The following GRM1 variants were observed in gnomAD, a reference collection of about 807,000 sequenced individuals.
GRM1 encodes the protein metabotropic glutamate receptor 1.
GRM1 carries 33 observed loss-of-function variants against 90.9 expected under a neutral mutation model. That is an observed-to-expected ratio of 0.36 (90% CI 0.28 to 0.49). The LOEUF (loss-of-function observed/expected upper bound fraction) is 0.49, where lower values mean the gene tolerates loss of function less well. Among genes scored for constraint, GRM1 ranks in the 20% least tolerant of loss-of-function variants. GRM1 has a pLI of 0.99. For missense variants in GRM1, 1,190 were observed against 1,534.3 expected (o/e 0.78, Z 3.75); for synonymous variants, 700 against 613.2 (o/e 1.14, Z -2.09).
At chr6:146,352,126 G>C in intron 3 of GRM1, 124 bp from the exon 4 acceptor site, 1 of 915,152 alleles carries the variant, frequency 1.1e-6, no homozygotes. Flanking sequence ...GGTGGGCGTG[G>C]CTTCTGCCAG....
At chr6:146,145,411 G>A (rs1450346291) in intron 1 of GRM1, among the ~76,000 whole-genome samples, 6 of 152,164 alleles carry the variant, frequency 3.9e-5, no homozygotes, top group Non-Finnish European at 7.3e-5. Flanking sequence ...GACAGGCCCA[G>A]GACTATCTCT....
chr6:146,273,492 C>G (rs145219511), intron 2 of GRM1, among the ~76,000 whole-genome samples: 47 of 152,282 alleles, frequency 3.1e-4, no homozygotes, highest in African/African-American at 1.1e-3. Flanking sequence ...ATGCTACTCC[C>G]TAGGTGTCCT....
chr6:146,381,338 G>A (rs1776309949), intron 5 of GRM1, among the ~76,000 whole-genome samples: 1 of 152,194 alleles, frequency 6.6e-6, no homozygotes, highest in South Asian at 2.1e-4. Context: ...GATAGGGCTG[G>A]TTTAAATGCT....
At chr6:146,328,310 A>G (rs376402423) in intron 3 of GRM1, among the ~76,000 whole-genome samples, 9 of 152,274 alleles carry the variant, frequency 5.9e-5, no homozygotes, top group African/African-American at 1.7e-4. Context: ...ACACACATAT[A>G]CACACTGACA....
intron 2 of GRM1, among the ~76,000 whole-genome samples, chr6:146,297,505 A>G (rs1783219977): frequency 6.6e-6 from 1 of 152,166 alleles, no homozygotes; most frequent in Admixed American, 6.5e-5. Flanking sequence ...TTTTAATGCA[A>G]AACGTCAGGG....
At chr6:146,301,553 A>G (rs1783381172) in intron 2 of GRM1, among the ~76,000 whole-genome samples, 2 of 152,240 alleles carry the variant, frequency 1.3e-5, no homozygotes, top group African/African-American at 4.8e-5. Flanking sequence ...ACTGTAAACA[A>G]AACAAATTTC....
At chr6:146,403,865 A>G (rs60528750) in intron 7 of GRM1, among the ~76,000 whole-genome samples, 1,605 of 152,192 alleles carry the variant, frequency 0.011, 36 homozygotes, top group African/African-American at 0.037. Flanking sequence ...TATAGGGTAC[A>G]CTGTAATATT....
intron 1 of GRM1, among the ~76,000 whole-genome samples, chr6:146,110,065 C>T (rs1775496934): frequency 6.6e-6 from 1 of 152,140 alleles, no homozygotes. Context: ...AGACTTTGGA[C>T]TGTGGATTTC....
intron 1 of GRM1, among the ~76,000 whole-genome samples, chr6:146,083,915 G>T (rs1258983330): frequency 6.6e-6 from 1 of 152,166 alleles, no homozygotes; most frequent in Non-Finnish European, 1.5e-5. Context: ...TTCAGAACTT[G>T]TTATTGGTCT....
chr6:146,316,420 T>C (rs1278703091), intron 3 of GRM1, among the ~76,000 whole-genome samples: 1 of 152,214 alleles, frequency 6.6e-6, no homozygotes, highest in African/African-American at 2.4e-5. Flanking sequence ...ATGAATTTAT[T>C]CACAAGTTCA....
intron 7 of GRM1, among the ~76,000 whole-genome samples, chr6:146,403,744 A>G (rs1216197660): frequency 1.3e-5 from 2 of 152,114 alleles, no homozygotes; most frequent in East Asian, 1.9e-4. Context: ...TCATGGCCAA[A>G]TGGAAGTGGC....
intron 1 of GRM1, among the ~76,000 whole-genome samples, chr6:146,071,249 C>T (rs576545381): frequency 2.0e-5 from 3 of 152,152 alleles, no homozygotes; most frequent in Non-Finnish European, 4.4e-5. Context: ...AGGCAGCTTC[C>T]GTCTAGTTCT....
intron 1 of GRM1, among the ~76,000 whole-genome samples, chr6:146,042,097 G>A (rs766286117): frequency 1.3e-5 from 2 of 151,984 alleles, no homozygotes; most frequent in African/African-American, 4.8e-5. Context: ...CCATTTTTGA[G>A]TGCAGGGCCC....
At chr6:146,404,883 G>A (rs953956986) in intron 7 of GRM1, among the ~76,000 whole-genome samples, 2 of 152,166 alleles carry the variant, frequency 1.3e-5, no homozygotes, top group African/African-American at 4.8e-5. Context: ...TTAATAGAGT[G>A]CCACAGTAAT....
intron 1 of GRM1, among the ~76,000 whole-genome samples, chr6:146,043,796 T>TATATATATATATATATATATATATATAG (rs1554260527): frequency 2.7e-4 from 37 of 137,936 alleles, no homozygotes; most frequent in African/African-American, 8.3e-4. Flanking sequence ...TATATATATA[T>TATATATATATATATATATATATATATAG]ATATATATAT....
intron 2 of GRM1, among the ~76,000 whole-genome samples, chr6:146,174,166 ATTTTTACTC>A: frequency 6.6e-6 from 1 of 151,806 alleles, no homozygotes; most frequent in Admixed American, 6.6e-5. Flanking sequence ...AGTTTGAGAA[ATTTTTACTC>A]TTTTTTCCTA....
intron 2 of GRM1, among the ~76,000 whole-genome samples, chr6:146,267,744 T>C (rs1781971949): frequency 6.7e-6 from 1 of 149,280 alleles, no homozygotes; most frequent in Admixed American, 6.8e-5. Flanking sequence ...TCGTCTCGTC[T>C]CGTCTCGTCT....
chr6:146,033,525 T>C (rs908652755), intron 1 of GRM1, among the ~76,000 whole-genome samples: 1 of 152,154 alleles, frequency 6.6e-6, no homozygotes, highest in African/African-American at 2.4e-5. Context: ...AAATTTTCAT[T>C]CATTACTTTT....
chr6:146,140,714 A>G (rs528326476), intron 1 of GRM1, among the ~76,000 whole-genome samples: 20 of 152,312 alleles, frequency 1.3e-4, no homozygotes, highest in African/African-American at 3.9e-4. Context: ...TAAAAACTCT[A>G]CGCTTCAATT....
Sources: allele counts gnomAD v4.1 joint callset (sites outside exome capture counted in the v4.1 genomes callset), GRCh38; gene constraint gnomAD v4.1.1; transcripts MANE v1.5; gene names NCBI Gene and HGNC (gene_info 2026-07-23, HGNC 2026-07-21).